BANF2: variants seen among roughly 807,000 people sequenced by gnomAD.
The protein encoded by BANF2 is BANF family member 2.
BANF2 carries 4 observed loss-of-function variants against 8.0 expected under a neutral mutation model. The observed-to-expected ratio is 0.50, with a 90% confidence interval of 0.25 to 1.14. The LOEUF (loss-of-function observed/expected upper bound fraction) is 1.14, where lower values mean the gene tolerates loss of function less well. Among genes scored for constraint, BANF2 ranks in the 50% most tolerant of loss-of-function variants. The probability of loss-of-function intolerance (pLI) is 0.16; values close to 1 mark genes in which losing one functional copy is unlikely to be tolerated. For missense variants in BANF2, 96 were observed against 107.5 expected (o/e 0.89, Z 0.47); for synonymous variants, 50 against 40.6 (o/e 1.23, Z -0.88).
intron 1 of BANF2, among the ~76,000 whole-genome samples, chr20:17,707,859 C>T (rs563740178): frequency 8.6e-5 from 13 of 151,812 alleles, no homozygotes; most frequent in Admixed American, 4.6e-4. Context: ...GGATTACAGG[C>T]GTGTGCCACT....
intron 1 of BANF2, among the ~76,000 whole-genome samples, chr20:17,704,761 T>C (rs1187111419): frequency 6.6e-6 from 1 of 152,224 alleles, no homozygotes; most frequent in Non-Finnish European, 1.5e-5. Flanking sequence ...AAAGGATTGA[T>C]TGGAGCACAT....
At chr20:17,713,035 G>A (rs1339425888) in intron 1 of BANF2, among the ~76,000 whole-genome samples, 2 of 152,038 alleles carry the variant, frequency 1.3e-5, no homozygotes, top group Admixed American at 6.6e-5. Flanking sequence ...ATTGCTTGAG[G>A]CCAGGAGTTC....
chr20:17,723,420 C>T (rs1190405589), intron 2 of BANF2, among the ~76,000 whole-genome samples: 1 of 152,184 alleles, frequency 6.6e-6, no homozygotes, highest in Non-Finnish European at 1.5e-5. Context: ...AGCCCATTCA[C>T]AAAGAAAGAC....
chr20:17,719,267 G>C (rs1600222516), intron 1 of BANF2, among the ~76,000 whole-genome samples: 1 of 152,072 alleles, frequency 6.6e-6, no homozygotes, highest in African/African-American at 2.4e-5. Context: ...TGGAATTACA[G>C]GTGCCTGCCC....
At chr20:17,734,997 G>C (rs1276984886) in intron 3 of BANF2, among the ~76,000 whole-genome samples, 1 of 152,176 alleles carries the variant, frequency 6.6e-6, no homozygotes, top group African/African-American at 2.4e-5. Context: ...TGAGGCAGGA[G>C]AATCGCTTGA....
intron 1 of BANF2, among the ~76,000 whole-genome samples, chr20:17,717,463 A>G (rs2037671155): frequency 6.6e-6 from 1 of 152,168 alleles, no homozygotes; most frequent in African/African-American, 2.4e-5. Flanking sequence ...ACATTTTAAA[A>G]TAAAAGTAGA....
intron 1 of BANF2, among the ~76,000 whole-genome samples, chr20:17,705,018 T>A (rs2037461937): frequency 1.3e-5 from 2 of 152,022 alleles, no homozygotes; most frequent in Admixed American, 6.5e-5. Context: ...AATGATGCAG[T>A]CACTGTGGCC....
chr20:17,706,039 G>A (rs551902611), intron 1 of BANF2, among the ~76,000 whole-genome samples: 8 of 152,340 alleles, frequency 5.3e-5, no homozygotes, highest in African/African-American at 1.9e-4. Context: ...GAGAGGTGCA[G>A]AAAACCACAT....
chr20:17,695,477 C>T (rs1274291571), upstream of BANF2, among the ~76,000 whole-genome samples: 6 of 138,950 alleles, frequency 4.3e-5, no homozygotes, highest in Non-Finnish European at 7.8e-5. Context: ...AAAGTAGAGT[C>T]GCATAGGTAA....
At chr20:17,732,658 GC>G (rs35677423) in intron 3 of BANF2, among the ~76,000 whole-genome samples, 2 of 152,068 alleles carry the variant, frequency 1.3e-5, no homozygotes, top group Admixed American at 6.5e-5. Context: ...ACCTGGCCGA[GC>G]CCCCCCTCTT....
At chr20:17,724,633 A>T (rs1323205645) in intron 2 of BANF2, among the ~76,000 whole-genome samples, 3 of 152,254 alleles carry the variant, frequency 2.0e-5, no homozygotes, top group Non-Finnish European at 4.4e-5. Flanking sequence ...TAAAAGTATG[A>T]CTAAAGTGTT....
chr20:17,713,641 C>A (rs1437716754), intron 1 of BANF2, among the ~76,000 whole-genome samples: 2 of 151,976 alleles, frequency 1.3e-5, no homozygotes, highest in African/African-American at 4.8e-5. Flanking sequence ...TGAGACCAGC[C>A]TGGGCAACAT....
chr20:17,728,828 G>A (rs761436251), intron 3 of BANF2, among the ~76,000 whole-genome samples: 7 of 152,130 alleles, frequency 4.6e-5, no homozygotes, highest in Non-Finnish European at 7.3e-5. Context: ...GACAGCGGCC[G>A]CAGGTACCTG....
chr20:17,723,701 T>C (rs536133762), intron 2 of BANF2, among the ~76,000 whole-genome samples: 1 of 152,160 alleles, frequency 6.6e-6, no homozygotes, highest in African/African-American at 2.4e-5. Context: ...TCTATCAAAC[T>C]TGGAAGATGG....
intron 1 of BANF2, among the ~76,000 whole-genome samples, chr20:17,700,796 T>C (rs2037395776): frequency 2.0e-5 from 3 of 152,186 alleles, no homozygotes; most frequent in Non-Finnish European, 4.4e-5. Flanking sequence ...AGGCCTTCTA[T>C]AACAAACAGT....
intron 1 of BANF2, among the ~76,000 whole-genome samples, chr20:17,715,495 G>T (rs1228758984): frequency 6.6e-6 from 1 of 152,244 alleles, no homozygotes; most frequent in Non-Finnish European, 1.5e-5. Context: ...AGCCAACAAG[G>T]AGCGGAGAAA....
rs530686681 is a variant in BANF2 at position 17,733,538 on chromosome 20, C to T, written c.127-2127C>T. On this transcript the variant is annotated intron_variant, in intron 3 of 3. Transcript: ENST00000246090. ...TCCTTGGACACAGCTCTATGTCTCTCGTTTCTGTTACCTTCACCTTGGCAC... is the reference window on the plus strand; with the variant it reads ...TCCTTGGACACAGCTCTATGTCTCTTGTTTCTGTTACCTTCACCTTGGCAC... 2.0e-5 allele frequency among the ~76,000 whole-genome samples: 3 copies of T among 152,238 alleles called. No individual in the cohort carries two copies. In the South Asian group the frequency reaches 6.2e-4, roughly 32 times the overall value.
upstream of BANF2, among the ~76,000 whole-genome samples, chr20:17,697,718 C>A (rs1368713045): frequency 4.6e-5 from 7 of 152,138 alleles, no homozygotes; most frequent in Non-Finnish European, 2.9e-5. Context: ...GGTATGTTAG[C>A]AAGCCAGTTG....
rs2122561682 is a variant in BANF2 at position 17,700,054 on chromosome 20, T to C, written c.-168T>C. On this transcript the variant is annotated splice_region_variant and 5_prime_UTR_variant, in exon 1 of 4. Transcript: ENST00000246090. ...CTGCCACTGGCTTATCAGGAGCACC[T>C]GGTGAGTATTCAGAACTTTCCCAAG... 9 of 970,830 alleles carry C rather than the reference T, an allele frequency of 9.3e-6. No individual in the cohort carries two copies. Among genetic ancestry groups the C allele is most frequent in the Non-Finnish European group, 9.8e-6 (8 of 816,600 alleles). The allele number at this position is 970,830 out of a possible 1,614,324, so 60.1% of individuals were successfully genotyped here. A position where few individuals can be genotyped will look rare whatever the true frequency, so the allele number is the denominator to read the frequency against.
Sources: allele counts gnomAD v4.1 joint callset (sites outside exome capture counted in the v4.1 genomes callset), GRCh38; gene constraint gnomAD v4.1.1; transcripts MANE v1.5; gene names NCBI Gene and HGNC (gene_info 2026-07-23, HGNC 2026-07-21).